The following ANO1 variants were observed in gnomAD, a reference collection of about 807,000 sequenced individuals.
ANO1 encodes the protein anoctamin-1.
Under a neutral mutation model 124.0 loss-of-function variants are expected in ANO1, and 59 were observed. That is an observed-to-expected ratio of 0.48 (90% CI 0.39 to 0.59). The LOEUF is 0.59. Among genes scored for constraint, ANO1 ranks in the 20% least tolerant of loss-of-function variants. ANO1 has a pLI of 0.00. For synonymous variants in ANO1, 529 were observed against 532.0 expected (o/e 0.99, Z 0.08); for missense variants, 1,059 against 1,328.0 (o/e 0.80, Z 3.15).
chr11:70,154,792 C>G (rs911682123), intron 14 of ANO1, among the ~76,000 whole-genome samples: 1 of 152,150 alleles, frequency 6.6e-6, no homozygotes, highest in East Asian at 1.9e-4. Flanking sequence ...TTAAACACCC[C>G]TGAGGGTCTG....
chr11:70,180,673 G>A (rs1469367815), intron 23 of ANO1, among the ~76,000 whole-genome samples: 1 of 152,148 alleles, frequency 6.6e-6, no homozygotes, highest in Non-Finnish European at 1.5e-5. Context: ...GACAGAGACA[G>A]AGATAGGAGG....
At chr11:70,039,802 A>G (rs530526657) in intron 1 of ANO1, among the ~76,000 whole-genome samples, 1 of 152,340 alleles carries the variant, frequency 6.6e-6, no homozygotes, top group South Asian at 2.1e-4. Context: ...AAGGATATTC[A>G]GAATCTTCCC....
chr11:70,056,743 C>T (rs1857443091), intron 1 of ANO1, among the ~76,000 whole-genome samples: 5 of 151,274 alleles, frequency 3.3e-5, no homozygotes, highest in Admixed American at 3.3e-4. Context: ...TTTCTCCCTT[C>T]TGTTTTTTTC....
chr11:70,143,853 C>T (rs1416164507), intron 11 of ANO1, among the ~76,000 whole-genome samples: 1 of 152,204 alleles, frequency 6.6e-6, no homozygotes, highest in Admixed American at 6.5e-5. Context: ...ATTCACACAA[C>T]ATAAAATTAA....
intron 19 of ANO1, among the ~76,000 whole-genome samples, chr11:70,164,947 C>G (rs1281644869): frequency 6.6e-6 from 1 of 152,164 alleles, no homozygotes; most frequent in African/African-American, 2.4e-5. Context: ...AGCCTGTAGG[C>G]GGAGTGTGTC....
chr11:70,074,808 TG>T (rs2044037348), upstream of ANO1: 1 of 152,260 alleles, frequency 6.6e-6, no homozygotes, highest in African/African-American at 2.4e-5. Flanking sequence ...TGTCCCACAC[TG>T]CACAAGCCAG....
chr11:70,118,568 GGATGGATA>G (rs1590782133), intron 8 of ANO1, among the ~76,000 whole-genome samples: 1 of 137,954 alleles, frequency 7.2e-6, no homozygotes, highest in Non-Finnish European at 1.5e-5. Flanking sequence ...GATAATGGAT[GGATGGATA>G]GATGGATGGA....
At chr11:70,090,940 A>T (rs769386697) in intron 2 of ANO1, among the ~76,000 whole-genome samples, 3 of 152,206 alleles carry the variant, frequency 2.0e-5, no homozygotes, top group Admixed American at 6.5e-5. Context: ...AGCCTCTCAA[A>T]TCATAAGCTG....
At chr11:70,103,493 G>A (rs751596003) in intron 3 of ANO1, among the ~76,000 whole-genome samples, 10 of 152,186 alleles carry the variant, frequency 6.6e-5, no homozygotes, top group Admixed American at 3.3e-4. Context: ...AGTTCGGGCC[G>A]TGGTGCTTTC....
At chr11:70,086,638 AC>A (rs1227206239) in intron 1 of ANO1, among the ~76,000 whole-genome samples, 1 of 151,948 alleles carries the variant, frequency 6.6e-6, no homozygotes, top group East Asian at 1.9e-4. Context: ...CCCAGGAGTG[AC>A]CCCCAGCCAA....
At chr11:70,102,667 T>A (rs1363099106) in intron 2 of ANO1, among the ~76,000 whole-genome samples, 1 of 152,102 alleles carries the variant, frequency 6.6e-6, no homozygotes, top group Non-Finnish European at 1.5e-5. Flanking sequence ...GGTCCCTGAG[T>A]GATTCCAGGT....
intron 6 of ANO1, among the ~76,000 whole-genome samples, chr11:70,109,213 T>G (rs2045674773): frequency 1.3e-5 from 2 of 152,206 alleles, no homozygotes; most frequent in African/African-American, 4.8e-5. Context: ...AGCTGGAGTC[T>G]GTGCATACAG....
chr11:70,144,540 C>T (rs1224308019), intron 11 of ANO1, among the ~76,000 whole-genome samples: 1 of 152,218 alleles, frequency 6.6e-6, no homozygotes. Flanking sequence ...CAACTGCTGC[C>T]TCTGGACGCC....
At chr11:70,156,797 C>T in intron 15 of ANO1, 150 bp from the exon 16 acceptor site, 3 of 662,150 alleles carry the variant, frequency 4.5e-6, no homozygotes, top group Admixed American at 2.7e-5. Flanking sequence ...TGGCTCATCA[C>T]CTGTGGGCAT....
chr11:70,025,992 GTGA>G lies in ANO1; in HGVS notation c.58+39844_58+39846del, dbSNP rs576454721. On this transcript the variant is annotated intron_variant, in intron 1 of 27. Coordinates refer to the ANO1 transcript ENST00000531349. The stretch of plus-strand genomic sequence containing the variant: ...GATGGTGACGATGGTGGTAGTGGTG[GTGA>G]TGATGATGATGATGATGGTGGTGGT... 8.7e-3 allele frequency among the ~76,000 whole-genome samples: 1,230 copies of G among 141,822 alleles called. 11 individuals carry two copies. The highest frequency in any genetic ancestry group is 0.016 in the African/African-American group (586 of 36,854). 93.0% of individuals were successfully genotyped at this position (141,822 alleles called of 152,430 possible).
chr11:69,975,354 C>T, the ANO1 span, among the ~76,000 whole-genome samples: 1 of 152,244 alleles, frequency 6.6e-6, no homozygotes, highest in Non-Finnish European at 1.5e-5. Context: ...CCCAAAATGG[C>T]AAATGCCTAC....
the ANO1 span, among the ~76,000 whole-genome samples, chr11:69,971,963 G>A: frequency 2.1e-4 from 32 of 152,212 alleles, no homozygotes; most frequent in Admixed American, 8.5e-4. Context: ...GCTCACACCT[G>A]TAATCTCAGC....
chr11:70,005,835 G>A (rs1554999956), intron 1 of ANO1, among the ~76,000 whole-genome samples: 2 of 152,178 alleles, frequency 1.3e-5, no homozygotes, highest in Non-Finnish European at 2.9e-5. Context: ...CGTCTGTCCT[G>A]TCTGGGGATG....
chr11:70,102,816 A>T (rs950949775), intron 2 of ANO1, among the ~76,000 whole-genome samples: 1 of 151,854 alleles, frequency 6.6e-6, no homozygotes, highest in Non-Finnish European at 1.5e-5. Flanking sequence ...CCTCCTCTAG[A>T]CCCTCCTGGC....
Sources: gnomAD v4.1 joint callset for allele counts (sites outside exome capture counted in the v4.1 genomes callset) on GRCh38, gnomAD v4.1.1 for gene constraint, MANE v1.5 for transcripts, NCBI Gene and HGNC (gene_info 2026-07-23, HGNC 2026-07-21) for gene names.